ALCAM: variants seen among roughly 807,000 people sequenced by gnomAD.
ALCAM encodes activated leukocyte cell adhesion molecule, also known as CD166 antigen.
In ALCAM, 30 loss-of-function variants were observed where a neutral mutation model predicts 70.9. That is an observed-to-expected ratio of 0.42 (90% CI 0.32 to 0.57). The LOEUF is 0.57. ALCAM is among the 20% of genes least tolerant of loss of function. ALCAM has a pLI of 0.11. For missense variants in ALCAM, 591 were observed against 695.1 expected, an observed-to-expected ratio of 0.85 and a Z score of 1.68; for synonymous variants, 249 against 242.5, an observed-to-expected ratio of 1.03 and a Z score of -0.25.
chr3:105,550,781 T>C (rs1432556579), intron 12 of ALCAM, among the ~76,000 whole-genome samples: 1 of 151,586 alleles, frequency 6.6e-6, no homozygotes, highest in African/African-American at 2.4e-5. Context: ...ACAAAACTGT[T>C]CCTTTTGTCA....
chr3:105,492,451 C>T (rs1048323072), intron 1 of ALCAM, among the ~76,000 whole-genome samples: 3 of 152,138 alleles, frequency 2.0e-5, no homozygotes, highest in African/African-American at 4.8e-5. Context: ...ATGAAGAAAC[C>T]TCTTCCCATG....
At chr3:105,571,479 T>C (rs1330399447) in intron 14 of ALCAM, among the ~76,000 whole-genome samples, 1 of 152,176 alleles carries the variant, frequency 6.6e-6, no homozygotes, top group Non-Finnish European at 1.5e-5. Flanking sequence ...TCATGAAATG[T>C]CCTTAAGAAA....
At chr3:105,500,335 TTTTC>T (rs1273317469) in intron 1 of ALCAM, among the ~76,000 whole-genome samples, 12 of 152,232 alleles carry the variant, frequency 7.9e-5, no homozygotes, top group Admixed American at 6.5e-4. Context: ...CTTTTTTCCC[TTTTC>T]TTTCTTTTTT....
chr3:105,551,513 A>G (rs576906215), intron 12 of ALCAM, among the ~76,000 whole-genome samples: 19 of 151,834 alleles, frequency 1.3e-4, no homozygotes, highest in Admixed American at 9.9e-4. Context: ...ATGCATGCCC[A>G]TGCACTTTGA....
intron 8 of ALCAM, among the ~76,000 whole-genome samples, chr3:105,542,491 C>T (rs1351903371): frequency 6.6e-6 from 1 of 151,654 alleles, no homozygotes; most frequent in African/African-American, 2.4e-5. Context: ...CATACCACAC[C>T]CTGGTGACAC....
At position 105,454,653 on chromosome 3, in the gene ALCAM, A is replaced by ATTTTTTTTTTTTTTTTT. The variant is rs59389132; in HGVS notation, c.74-65396_74-65380dup. On this transcript the variant is annotated intron_variant, in intron 1 of 15. Coordinates refer to ENST00000306107, the MANE Select transcript of ALCAM (RefSeq NM_001627.4). ...ATTGGCACATAGTAGATGCTCATTA[A>ATTTTTTTTTTTTTTTTT]TTTTTTTTTTTTTTTTTTTTTTTTT... Among the ~76,000 whole-genome samples, 10 of 61,792 alleles carry ATTTTTTTTTTTTTTTTT rather than the reference A, an allele frequency of 1.6e-4. 2 individuals carry two copies. Among genetic ancestry groups the ATTTTTTTTTTTTTTTTT allele is most frequent in the Non-Finnish European group, 2.7e-4 (10 of 36,564 alleles). The allele number at this position is 61,792 out of a possible 152,430, so 40.5% of individuals were successfully genotyped here. A position where few individuals can be genotyped will look rare whatever the true frequency, so the allele number is the denominator to read the frequency against.
chr3:105,398,573 A>T (rs551541156), intron 1 of ALCAM, among the ~76,000 whole-genome samples: 1 of 152,116 alleles, frequency 6.6e-6, no homozygotes, highest in Non-Finnish European at 1.5e-5. Context: ...TGTGATGGCC[A>T]GTGGTTCATT....
rs1009080742 is a variant in ALCAM, at chr3:105,495,674, G to A, written c.74-24393G>A. ...TGGAATAATACATTTTACACAGCAC[G>A]CACTCAGAATCCGTTTATGTCTAAA... On this transcript the variant is annotated intron_variant, in intron 1 of 15. Coordinates refer to ENST00000306107, the MANE Select transcript of ALCAM (RefSeq NM_001627.4). Among the ~76,000 whole-genome samples, 28 of 152,094 alleles carry A rather than the reference G, an allele frequency of 1.8e-4. 1 individual carries two copies. Among genetic ancestry groups the A allele is most frequent in the Admixed American group, 1.0e-3 (16 of 15,274 alleles).
chr3:105,395,249 T>A (rs1055577941), intron 1 of ALCAM, among the ~76,000 whole-genome samples: 1 of 151,982 alleles, frequency 6.6e-6, no homozygotes, highest in South Asian at 2.1e-4. Context: ...CAATGGAATA[T>A]GTTTTTACTC....
Position 105,534,771 on chromosome 3 carries a change from C to T in ALCAM, c.656C>T (p.Thr219Ile). ...TTKADIQMPF[T>I]CSVTYYGPSG... Reference sequence around the variant, plus strand: ...AAGGCTGACATACAAATGCCATTCACCTGCTCGGTGACATATTATGGACCA... The same window carrying T: ...AAGGCTGACATACAAATGCCATTCATCTGCTCGGTGACATATTATGGACCA... The change falls in exon 6 of 16, where the codon ACC (threonine) becomes ATC (isoleucine). Residue 219 changes from threonine (T) to isoleucine (I), a missense_variant. Thr to Ile is a moderately conservative substitution (Grantham distance 89). Coordinates refer to ENST00000306107, the MANE Select transcript of ALCAM (RefSeq NM_001627.4). 1.9e-6 allele frequency: 3 copies of T among 1,613,816 alleles called. No individual in the cohort carries two copies. Among genetic ancestry groups the T allele is most frequent in the South Asian group, 1.1e-5 (1 of 91,082 alleles).
intron 3 of ALCAM, 155 bp downstream of exon 3, chr3:105,524,663 A>G (rs1163830913): frequency 1.5e-6 from 2 of 1,347,130 alleles, no homozygotes; most frequent in African/African-American, 2.9e-5. Flanking sequence ...CATATATACT[A>G]TCAGCAAAGA....
At chr3:105,552,300 G>A in intron 13 of ALCAM, 118 bp downstream of exon 13, 1 of 1,299,108 alleles carries the variant, frequency 7.7e-7, no homozygotes, top group Non-Finnish European at 1.1e-6. Flanking sequence ...AAATACCAAA[G>A]ACAAGATAGT....
chr3:105,483,050 T>C (rs1180496837), intron 1 of ALCAM, among the ~76,000 whole-genome samples: 2 of 152,160 alleles, frequency 1.3e-5, no homozygotes, highest in Non-Finnish European at 2.9e-5. Flanking sequence ...TATAAATGAG[T>C]AAATGAATTT....
intron 2 of ALCAM, among the ~76,000 whole-genome samples, chr3:105,523,551 A>G (rs1177873337): frequency 6.6e-6 from 1 of 152,206 alleles, no homozygotes; most frequent in Non-Finnish European, 1.5e-5. Flanking sequence ...TAAATTGCTT[A>G]TTAGGTGAGA....
chr3:105,372,552 A>C (rs1451870954), intron 1 of ALCAM, among the ~76,000 whole-genome samples: 1 of 152,068 alleles, frequency 6.6e-6, no homozygotes, highest in African/African-American at 2.4e-5. Context: ...CATTCCATTG[A>C]AGGGGAAATC....
rs369921671 is a variant in ALCAM at position 105,412,459 on chromosome 3, G to T, written c.73+44978G>T. On this transcript the variant is annotated intron_variant, in intron 1 of 15. Coordinates refer to ENST00000306107, the MANE Select transcript of ALCAM (RefSeq NM_001627.4). ...TAACACTGTTAGAGGTAAAATAAAG[G>T]AGAATAATTTTATACTCAAATCTAG... Among the ~76,000 whole-genome samples, 24 of 152,144 alleles carry T rather than the reference G, an allele frequency of 1.6e-4. No homozygotes were observed. In the East Asian group the frequency reaches 4.4e-3, roughly 28 times the overall value.
chr3:105,523,673 T>C (rs1939614221), intron 2 of ALCAM, among the ~76,000 whole-genome samples: 1 of 152,202 alleles, frequency 6.6e-6, no homozygotes, highest in Non-Finnish European at 1.5e-5. Context: ...GAAAGACTTT[T>C]GAGCTCATTG....
chr3:105,421,255 G>C (rs981486943), intron 1 of ALCAM, among the ~76,000 whole-genome samples: 3 of 151,226 alleles, frequency 2.0e-5, no homozygotes, highest in African/African-American at 7.3e-5. Flanking sequence ...CTGTCTGATT[G>C]AATTAAATAT....
At chr3:105,554,460 T>A (rs1307703436) in intron 14 of ALCAM, among the ~76,000 whole-genome samples, 4 of 152,006 alleles carry the variant, frequency 2.6e-5, no homozygotes, top group African/African-American at 9.7e-5. Flanking sequence ...CTTAGCCTAC[T>A]GATTCGGTTC....
Sources: allele counts gnomAD v4.1 joint callset (sites outside exome capture counted in the v4.1 genomes callset), GRCh38; gene constraint gnomAD v4.1.1; transcripts MANE v1.5; gene names NCBI Gene and HGNC (gene_info 2026-07-23, HGNC 2026-07-21).